PKIB: variants seen among roughly 807,000 people sequenced by gnomAD.
PKIB encodes PKI-beta.
PKIB carries 2 observed loss-of-function variants against 4.5 expected under a neutral mutation model. The observed-to-expected ratio is 0.44, with a 90% CI of 0.18 to 1.39. The LOEUF is 1.39. PKIB is among the 40% of genes most tolerant of loss of function. The pLI, the probability that PKIB is intolerant of heterozygous loss-of-function variation, is 0.27. For synonymous variants in PKIB, 38 were observed against 36.0 expected (o/e 1.06, Z -0.20); for missense variants, 94 against 92.6 (o/e 1.02, Z -0.06).
At chr6:122,718,831 C>G (rs2115079028) in intron 4 of PKIB, among the ~76,000 whole-genome samples, 1 of 152,176 alleles carries the variant, frequency 6.6e-6, no homozygotes, top group Non-Finnish European at 1.5e-5. Flanking sequence ...GGTTCATTCT[C>G]TATGAAATAG....
chr6:122,513,901 T>C (rs191400308), intron 2 of PKIB, among the ~76,000 whole-genome samples: 46 of 152,302 alleles, frequency 3.0e-4, no homozygotes, highest in South Asian at 8.3e-4. Context: ...TGTATAATTA[T>C]AAGGAAAGTG....
chr6:122,626,278 G>A (rs894812976), intron 1 of PKIB, among the ~76,000 whole-genome samples: 2 of 152,184 alleles, frequency 1.3e-5, no homozygotes, highest in Non-Finnish European at 1.5e-5. Flanking sequence ...AAACACATTT[G>A]CAAATATTCT....
chr6:122,624,838 A>G (rs1037132152), intron 1 of PKIB, among the ~76,000 whole-genome samples: 4 of 152,212 alleles, frequency 2.6e-5, no homozygotes, highest in Non-Finnish European at 5.9e-5. Flanking sequence ...ACTAATTGCA[A>G]TGATTAAGTG....
chr6:122,651,732 G>A (rs1348737582), intron 2 of PKIB, among the ~76,000 whole-genome samples: 3 of 152,138 alleles, frequency 2.0e-5, no homozygotes, highest in Non-Finnish European at 4.4e-5. Context: ...GGTTATAGGA[G>A]ATAAGGATTT....
chr6:122,496,305 A>G (rs1158624813), intron 2 of PKIB, among the ~76,000 whole-genome samples: 1 of 152,208 alleles, frequency 6.6e-6, no homozygotes, highest in African/African-American at 2.4e-5. Context: ...AAGAACTAGT[A>G]TAAGAATTCT....
In PKIB at chr6:122,516,871, C is replaced by T. The variant is rs562719295; in HGVS notation, c.-248+38932C>T. ...AATATGGACATATTGGAAGCTTTTG[C>T]CTGGTCTTCCAGGGATATTTGCAAC... On this transcript the variant is annotated intron_variant, in intron 2 of 6. Transcript: ENST00000392491. 4.6e-5 allele frequency among the ~76,000 whole-genome samples: 7 copies of T among 152,204 alleles called. No homozygotes were observed. In the South Asian group the frequency reaches 1.5e-3, roughly 32 times the overall value.
At chr6:122,701,342 A>G (rs1582826121) in intron 3 of PKIB, 2 of 956,092 alleles carry the variant, frequency 2.1e-6, no homozygotes, top group East Asian at 5.3e-5. Flanking sequence ...GACAGTCACC[A>G]GGCTAGACAT....
chr6:122,687,299 G>A (rs929723990), intron 3 of PKIB, among the ~76,000 whole-genome samples: 5 of 152,030 alleles, frequency 3.3e-5, no homozygotes, highest in African/African-American at 9.7e-5. Flanking sequence ...TTGTTTCTGG[G>A]TACTTTATTC....
intron 2 of PKIB, among the ~76,000 whole-genome samples, chr6:122,573,603 G>T (rs773941578): frequency 1.3e-5 from 2 of 150,878 alleles, no homozygotes; most frequent in Non-Finnish European, 3.0e-5. Context: ...TTATCTCAGG[G>T]ATGCAGGGAT....
At chr6:122,597,851 C>A (rs985189595) in intron 3 of PKIB, among the ~76,000 whole-genome samples, 19 of 152,070 alleles carry the variant, frequency 1.2e-4, no homozygotes, top group African/African-American at 4.6e-4. Flanking sequence ...CCAACTGGAC[C>A]CACTGTAAGC....
At chr6:122,598,694 C>T (rs183271069) in intron 3 of PKIB, among the ~76,000 whole-genome samples, 267 of 152,306 alleles carry the variant, frequency 1.8e-3, no homozygotes, top group South Asian at 3.1e-3. Flanking sequence ...CTAAGCCTTT[C>T]GATCCCTTCC....
Position 122,726,059 on chromosome 6 carries a change from G to C in PKIB, c.*864G>C, listed in dbSNP as rs1392869681. The C allele has an allele frequency of 6.6e-6, 1 of 151,854 alleles. No individual in the cohort carries two copies. The highest frequency in any genetic ancestry group is 1.5e-5 in the Non-Finnish European group (1 of 67,964). The allele number at this position is 151,854 out of a possible 1,614,324, so 9.4% of individuals were successfully genotyped here. A position where few individuals can be genotyped will look rare whatever the true frequency, so the allele number is the denominator to read the frequency against. On this transcript the variant is annotated 3_prime_UTR_variant, in exon 5 of 5. Transcript: ENST00000368452. ...TTAATTTTTATATTTTTTTAAAGTAGCTAACATAGCAGTAGGCACTTAAGC... is the reference window on the plus strand; with the variant it reads ...TTAATTTTTATATTTTTTTAAAGTACCTAACATAGCAGTAGGCACTTAAGC...
At chr6:122,592,109 T>C (rs562932657) in intron 3 of PKIB, among the ~76,000 whole-genome samples, 3 of 151,980 alleles carry the variant, frequency 2.0e-5, no homozygotes, top group African/African-American at 7.2e-5. Flanking sequence ...CTGAGGTGGT[T>C]GGTACACCTA....
chr6:122,610,488 G>A lies in PKIB; in HGVS notation c.-208G>A, dbSNP rs1438169780. 1.3e-5 allele frequency: 2 copies of A among 152,542 alleles called. No homozygotes were observed. Among genetic ancestry groups the A allele is most frequent in the Admixed American group, 1.3e-4 (2 of 15,282 alleles). 9.4% of individuals were successfully genotyped at this position (152,542 alleles called of 1,614,324 possible). On this transcript the variant is annotated 5_prime_UTR_variant, in exon 1 of 5. Coordinates refer to ENST00000368452, the MANE Select transcript of PKIB (RefSeq NM_181795.3). ...AGCTCCGGGCCGCAGAGCGCTGGGC[G>A]AGCGCGAGCGCCAGGGCACCGGCAG...
chr6:122,595,143 C>G (rs886516906), intron 3 of PKIB, among the ~76,000 whole-genome samples: 27 of 152,136 alleles, frequency 1.8e-4, no homozygotes, highest in African/African-American at 5.8e-4. Context: ...GCGAGTGGTG[C>G]CACTTCCACT....
intron 3 of PKIB, among the ~76,000 whole-genome samples, chr6:122,699,280 C>CAAAA (rs1729108133): frequency 2.5e-4 from 1 of 3,990 alleles, no homozygotes; most frequent in African/African-American, 3.6e-4. Context: ...CATTTGTGAA[C>CAAAA]TAAAATATAT....
intron 2 of PKIB, among the ~76,000 whole-genome samples, chr6:122,576,159 T>C (rs917018106): frequency 1.3e-5 from 2 of 152,226 alleles, no homozygotes; most frequent in Non-Finnish European, 2.9e-5. Flanking sequence ...TGATGATGAT[T>C]ACATGGTTCT....
intron 2 of PKIB, among the ~76,000 whole-genome samples, chr6:122,574,490 AC>A (rs1357696814): frequency 6.6e-6 from 1 of 152,190 alleles, no homozygotes; most frequent in Non-Finnish European, 1.5e-5. Context: ...TAGAAGCATC[AC>A]ATTACCCAAC....
In PKIB at chr6:122,725,282, A is replaced by G. The variant is rs1277415486; in HGVS notation, c.*87A>G. On this transcript the variant is annotated 3_prime_UTR_variant, in exon 5 of 5. Coordinates refer to ENST00000368452, the MANE Select transcript of PKIB (RefSeq NM_181795.3). ...TTCTTGAGACATTTAATCTGGTGGT[A>G]ACTGTGGTAACATTGCAGCCCTAAG... is the stretch of plus-strand genomic sequence containing the variant. The G allele has an allele frequency of 1.9e-6, 2 of 1,072,558 alleles. No individual in the cohort carries two copies. Among genetic ancestry groups the G allele is most frequent in the South Asian group, 1.4e-5 (1 of 70,324 alleles). 66.4% of individuals were successfully genotyped at this position (1,072,558 alleles called of 1,614,324 possible).
Sources: allele counts gnomAD v4.1 joint callset (sites outside exome capture counted in the v4.1 genomes callset), GRCh38; gene constraint gnomAD v4.1.1; transcripts MANE v1.5; gene names NCBI Gene and HGNC (gene_info 2026-07-23, HGNC 2026-07-21).